The following CARMIL1 variants were observed in gnomAD, a reference collection of about 807,000 sequenced individuals.
The protein encoded by CARMIL1 is F-actin-uncapping protein LRRC16A.
In CARMIL1, 90 loss-of-function variants were observed where a neutral mutation model predicts 177.1. The ratio of observed to expected loss-of-function variants is 0.51; its 90% CI spans 0.43 to 0.61. The LOEUF is 0.61. CARMIL1 is among the 20% of genes least tolerant of loss of function. CARMIL1 has a pLI of 0.00. For synonymous variants in CARMIL1, 577 were observed against 606.2 expected, an observed-to-expected ratio of 0.95 and a Z score of 0.71; for missense variants, 1,380 against 1,667.0, an observed-to-expected ratio of 0.83 and a Z score of 3.00.
At chr6:25,310,038 G>T (rs1162655575) in intron 2 of CARMIL1, among the ~76,000 whole-genome samples, 4 of 151,928 alleles carry the variant, frequency 2.6e-5, no homozygotes, top group African/African-American at 9.7e-5. Context: ...AAAGTGCTGG[G>T]ATTACAGGAG....
intron 27 of CARMIL1, among the ~76,000 whole-genome samples, chr6:25,551,770 A>G (rs1044174566): frequency 1.3e-5 from 2 of 152,142 alleles, no homozygotes; most frequent in Non-Finnish European, 2.9e-5. Flanking sequence ...GTTCAGAAGC[A>G]TTTTTTAATT....
intron 36 of CARMIL1, among the ~76,000 whole-genome samples, chr6:25,610,651 GATGTT>G (rs1471769264): frequency 5.9e-5 from 9 of 152,192 alleles, no homozygotes; most frequent in Admixed American, 2.0e-4. Context: ...CACAAGGTCA[GATGTT>G]CCTTACTCTC....
At chr6:25,602,560 T>C (rs1281784835) in intron 33 of CARMIL1, among the ~76,000 whole-genome samples, 1 of 152,226 alleles carries the variant, frequency 6.6e-6, no homozygotes, top group East Asian at 1.9e-4. Flanking sequence ...ACAGTATTAA[T>C]GATCTGTTAG....
At chr6:25,540,343 G>C (rs751104358) in intron 26 of CARMIL1, among the ~76,000 whole-genome samples, 1 of 152,154 alleles carries the variant, frequency 6.6e-6, no homozygotes, top group Non-Finnish European at 1.5e-5. Context: ...TCTATTTAGG[G>C]GGTAGAAAGA....
chr6:25,450,572 C>A (rs757201870), intron 7 of CARMIL1, 66 bp from the exon 8 acceptor site: 1 of 1,093,808 alleles, frequency 9.1e-7, no homozygotes, highest in Non-Finnish European at 1.4e-6. Flanking sequence ...CTAATTCTCA[C>A]TGTCTCTCTT....
At chr6:25,482,470 A>G in intron 12 of CARMIL1, 127 bp downstream of exon 12, 1 of 507,454 alleles carries the variant, frequency 2.0e-6, no homozygotes. Context: ...TATGTATTAT[A>G]TTACTCTGGC....
chr6:25,465,108 A>C (rs1327844804), intron 8 of CARMIL1, among the ~76,000 whole-genome samples: 1 of 151,906 alleles, frequency 6.6e-6, no homozygotes, highest in Non-Finnish European at 1.5e-5. Flanking sequence ...AATGGTTGCA[A>C]AATGCTTGCT....
At chr6:25,320,835 A>C (rs546372020) in intron 2 of CARMIL1, among the ~76,000 whole-genome samples, 33 of 152,352 alleles carry the variant, frequency 2.2e-4, no homozygotes, top group Admixed American at 2.0e-3. Context: ...GCCACATTGT[A>C]AGAAGAAGAA....
intron 2 of CARMIL1, among the ~76,000 whole-genome samples, chr6:25,419,655 T>C (rs1447804476): frequency 6.6e-6 from 1 of 152,126 alleles, no homozygotes; most frequent in Non-Finnish European, 1.5e-5. Flanking sequence ...ATTATATAAA[T>C]GTTAGCTGGA....
intron 8 of CARMIL1, among the ~76,000 whole-genome samples, chr6:25,453,307 T>A (rs983546319): frequency 3.9e-5 from 6 of 152,084 alleles, no homozygotes; most frequent in Non-Finnish European, 8.8e-5. Flanking sequence ...CCAGATTACT[T>A]CTTAGATTTT....
chr6:25,405,969 C>G (rs1235471170), intron 2 of CARMIL1, among the ~76,000 whole-genome samples: 2 of 152,166 alleles, frequency 1.3e-5, no homozygotes, highest in East Asian at 3.8e-4. Flanking sequence ...GCAGTAAAAC[C>G]TGTTGCATTC....
intron 2 of CARMIL1, among the ~76,000 whole-genome samples, chr6:25,386,848 C>T (rs886920579): frequency 2.0e-5 from 3 of 151,960 alleles, no homozygotes; most frequent in Admixed American, 1.3e-4. Flanking sequence ...CATCATGAGG[C>T]CGGCTGTGGT....
At chr6:25,553,705 G>T (rs973989590) in intron 27 of CARMIL1, among the ~76,000 whole-genome samples, 2 of 152,118 alleles carry the variant, frequency 1.3e-5, no homozygotes, top group Non-Finnish European at 2.9e-5. Flanking sequence ...TCACCACATG[G>T]TACATATGGT....
At chr6:25,444,359 A>G (rs1474945602) in intron 5 of CARMIL1, among the ~76,000 whole-genome samples, 3 of 152,010 alleles carry the variant, frequency 2.0e-5, no homozygotes, top group African/African-American at 7.2e-5. Context: ...TGTCATTTCA[A>G]CCAGGTTCAC....
At chr6:25,459,276 T>TCTTTCTTCCTTTCTTCCTTTCTTCC (rs1210756365) in intron 8 of CARMIL1, among the ~76,000 whole-genome samples, 1 of 134,650 alleles carries the variant, frequency 7.4e-6, no homozygotes, top group African/African-American at 2.8e-5. Context: ...CTTTTTTTTT[T>TCTTTCTTCCTTTCTTCCTTTCTTCC]TTTTAAGACA....
At chr6:25,545,812 AG>A (rs1434802356) in intron 26 of CARMIL1, among the ~76,000 whole-genome samples, 2 of 152,210 alleles carry the variant, frequency 1.3e-5, no homozygotes, top group Non-Finnish European at 2.9e-5. Flanking sequence ...TGGGTCAAAG[AG>A]GAGGACATAA....
At chr6:25,538,548 C>T (rs959823073) in intron 25 of CARMIL1, among the ~76,000 whole-genome samples, 2 of 152,112 alleles carry the variant, frequency 1.3e-5, no homozygotes, top group Non-Finnish European at 2.9e-5. Context: ...TATGGAGCTT[C>T]TAAAACCTTG....
rs192085176 is a variant in CARMIL1 at position 25,407,707 on chromosome 6, C to T, written c.139-12407C>T. 9.7e-4 allele frequency among the ~76,000 whole-genome samples: 148 copies of T among 152,134 alleles called. 2 individuals carry two copies. The highest frequency in any genetic ancestry group is 2.9e-3 in the African/African-American group (121 of 41,484). On this transcript the variant is annotated intron_variant, in intron 2 of 36. Transcript: ENST00000329474. ...GGGAGTAATAAAAGGACAAGGAACA[C>T]GAAGGCTAAGGACATTAACACATGG...
At chr6:25,580,837 C>A in intron 29 of CARMIL1, 87 bp from the exon 30 acceptor site, 1 of 985,098 alleles carries the variant, frequency 1.0e-6, no homozygotes, top group Non-Finnish European at 1.6e-6. Context: ...CTGAGTTAAA[C>A]AGTCGATCCA....
Sources: gnomAD v4.1 joint callset for allele counts (sites outside exome capture counted in the v4.1 genomes callset) on GRCh38, gnomAD v4.1.1 for gene constraint, MANE v1.5 for transcripts, NCBI Gene and HGNC (gene_info 2026-07-23, HGNC 2026-07-21) for gene names.